TADA3: variants seen among roughly 807,000 people sequenced by gnomAD.
The protein encoded by TADA3 is transcriptional adapter 3.
In TADA3, 25 loss-of-function variants were observed where a neutral mutation model predicts 43.2. The ratio of observed to expected loss-of-function variants is 0.58; its 90% CI spans 0.42 to 0.81. The LOEUF is 0.81. TADA3 is among the 30% of genes least tolerant of loss of function. TADA3 has a pLI of 0.00. For synonymous variants in TADA3, 235 were observed against 225.5 expected (o/e 1.04, Z -0.38); for missense variants, 441 against 567.8 (o/e 0.78, Z 2.27).
At chr3:9,784,313 T>G in intron 7 of TADA3, 100 bp from the exon 8 acceptor site, 2 of 1,444,968 alleles carry the variant, frequency 1.4e-6, no homozygotes, top group Non-Finnish European at 9.2e-7. Flanking sequence ...AAACCTGCCT[T>G]TCCCTTTGGG....
At position 9,780,263 on chromosome 3, in the gene TADA3, A is replaced by G; in HGVS notation, c.*94T>C. The G allele has an allele frequency of 7.4e-7, 1 of 1,351,128 alleles. No homozygotes were observed. The highest frequency in any genetic ancestry group is 1.5e-5 in the African/African-American group (1 of 68,592). 83.7% of individuals were successfully genotyped at this position (1,351,128 alleles called of 1,614,324 possible). A position where few individuals can be genotyped will look rare whatever the true frequency, so the allele number is the denominator to read the frequency against. On this transcript the variant is annotated 3_prime_UTR_variant, in exon 9 of 9. Coordinates refer to ENST00000301964, the MANE Select transcript of TADA3 (RefSeq NM_006354.5). ...TAGAGACTGCCGCCATTTGAGGGAC[A>G]GCCACAGGCCAATGTTTCCTGTGCC...
Position 9,780,293 on chromosome 3 carries a change from G to A in TADA3, c.*64C>T. On this transcript the variant is annotated 3_prime_UTR_variant, in exon 9 of 9. Coordinates refer to ENST00000301964, the MANE Select transcript of TADA3 (RefSeq NM_006354.5). ...CAGGCCAATGTTTCCTGTGCCCAAA[G>A]AAGGAAGTGGGCCTCCCTTCCCCTC... 1.3e-6 allele frequency: 2 copies of A among 1,512,424 alleles called. No individual in the cohort carries two copies. The highest frequency in any genetic ancestry group is 1.8e-6 in the Non-Finnish European group (2 of 1,118,322). The allele number at this position is 1,512,424 out of a possible 1,614,324, so 93.7% of individuals were successfully genotyped here.
chr3:9,787,420 T>A (rs1428632372), intron 4 of TADA3, 80 bp from the exon 5 acceptor site: 5 of 1,516,006 alleles, frequency 3.3e-6, no homozygotes, highest in Non-Finnish European at 4.4e-6. Context: ...CTTACCTATC[T>A]TATATCTCTC....
chr3:9,789,454 G>A, intron 4 of TADA3, 55 bp downstream of exon 4: 1 of 1,507,452 alleles, frequency 6.6e-7, no homozygotes, highest in Non-Finnish European at 9.1e-7. Flanking sequence ...TACTTCTCAG[G>A]CACCTCTGAA....
At chr3:9,792,490 CTT>C (rs2078763361), upstream of TADA3, 2 of 1,210,870 alleles carry the variant, frequency 1.7e-6, no homozygotes, top group Non-Finnish European at 2.1e-6. Context: ...GGGCGGGCCC[CTT>C]GCAGTTGACG....
chr3:9,783,219 GAAA>G (rs1212329391), intron 8 of TADA3: 1 of 151,766 alleles, frequency 6.6e-6, no homozygotes, highest in Non-Finnish European at 1.5e-5. Flanking sequence ...GGGATAAAAA[GAAA>G]AGAAGCATGA....
intron 4 of TADA3, chr3:9,787,714 G>C: frequency 7.6e-7 from 1 of 1,309,616 alleles, no homozygotes; most frequent in Non-Finnish European, 1.0e-6. Context: ...CTGTCTGTAT[G>C]AACTCTTTTT....
Position 9,791,252 on chromosome 3 carries a change from G to T in TADA3, c.207+8C>A. ...TCTCTGGTGCTGGCCCCTCTCTGGG[G>T]TTATCACCTGGGTTTCGGCCTCAAG... On this transcript the variant is annotated splice_region_variant and intron_variant, in intron 2 of 8. Transcript: ENST00000301964. The T allele has an allele frequency of 1.2e-6, 2 of 1,609,690 alleles. No individual in the cohort carries two copies. Among genetic ancestry groups the T allele is most frequent in the Non-Finnish European group, 1.7e-6 (2 of 1,178,508 alleles).
In TADA3 at chr3:9,787,312, T is replaced by C. The variant is rs1368527747; in HGVS notation, c.593A>G (p.Gln198Arg). The change falls in exon 5 of 9, where the codon CAG (glutamine) becomes CGG (arginine). Residue 198 changes from glutamine (Q) to arginine (R), a missense_variant. Coordinates refer to ENST00000301964, the MANE Select transcript of TADA3 (RefSeq NM_006354.5). Reference protein sequence around the residue: ...KIPPLGKHYSQRWAQEDLLEE... With the variant: ...KIPPLGKHYSRRWAQEDLLEE... ...CAGCAGGTCCTCCTGGGCCCAGCGC[T>C]GGGAGTAGTGCTTCCCCAGGGGTGG... is the stretch of plus-strand genomic sequence containing the variant. The C allele has an allele frequency of 6.2e-7, 1 of 1,613,610 alleles. No individual in the cohort carries two copies. The highest frequency in any genetic ancestry group is 1.1e-5 in the South Asian group (1 of 91,040).
At chr3:9,780,672 C>A in intron 8 of TADA3, 123 bp from the exon 9 acceptor site, 1 of 1,019,860 alleles carries the variant, frequency 9.8e-7, no homozygotes, top group Non-Finnish European at 1.4e-6. Context: ...GTCATACAGT[C>A]GTGACCAAAA....
At chr3:9,787,450 C>T in intron 4 of TADA3, 110 bp from the exon 5 acceptor site, 1 of 1,433,220 alleles carries the variant, frequency 7.0e-7, no homozygotes, top group Non-Finnish European at 9.3e-7. Flanking sequence ...TAGTCCAAGG[C>T]CAAGCCCAGT....
chr3:9,789,429 TG>T (rs2078687713), intron 4 of TADA3, 79 bp downstream of exon 4: 2 of 1,333,472 alleles, frequency 1.5e-6, no homozygotes, highest in Non-Finnish European at 2.1e-6. Flanking sequence ...AGATGATGCA[TG>T]GCTTTGGTAG....
In TADA3 at chr3:9,791,253, T is replaced by A. The variant is rs374019123; in HGVS notation, c.207+7A>T. ...CTCTGGTGCTGGCCCCTCTCTGGGG[T>A]TATCACCTGGGTTTCGGCCTCAAGC... On this transcript the variant is annotated splice_region_variant and intron_variant, in intron 2 of 8. Transcript: ENST00000301964. The A allele has an allele frequency of 4.3e-6, 7 of 1,609,498 alleles. No homozygotes were observed. The Admixed American group carries it at 6.7e-5, about 15-fold the overall frequency.
chr3:9,785,898 T>C (rs1364979232), intron 6 of TADA3, among the ~76,000 whole-genome samples: 1 of 151,682 alleles, frequency 6.6e-6, no homozygotes, highest in Non-Finnish European at 1.5e-5. Flanking sequence ...TAGCTAGGCA[T>C]GGGCCAAAAA....
rs768111746 is a variant in TADA3, at chr3:9,791,277, G to C, written c.190C>G (p.Leu64Val). Residue 64 changes from leucine (L) to valine (V), a missense_variant, in exon 2 of 9, where the codon CTT (leucine) becomes GTT (valine). Leu to Val is a conservative substitution (Grantham distance 32). Coordinates refer to ENST00000301964, the MANE Select transcript of TADA3 (RefSeq NM_006354.5). ...GTTATCACCTGGGTTTCGGCCTCAA[G>C]CACACGCAGGCGCCGGCTGGCAGAA... ...LSSASRRLRV[L>V]EAETQILTDW... The C allele has an allele frequency of 3.1e-6, 5 of 1,612,822 alleles. No individual in the cohort carries two copies. In the Admixed American group the frequency reaches 6.7e-5, roughly 22 times the overall value.
At chr3:9,785,292 G>A in intron 7 of TADA3, 24 bp downstream of exon 7, 4 of 1,572,204 alleles carry the variant, frequency 2.5e-6, no homozygotes, top group Non-Finnish European at 3.5e-6. Context: ...CCAGACTGTG[G>A]GTTGTGGATA....
rs1339858565 is a variant in TADA3, at chr3:9,791,494, C to T, written c.-27-1G>A. 9 of 1,563,700 alleles carry T rather than the reference C, an allele frequency of 5.8e-6. No individual in the cohort carries two copies. Among genetic ancestry groups the T allele is most frequent in the Non-Finnish European group, 7.9e-6 (9 of 1,144,056 alleles). ...CCCAGGATATGGGGATCCTGTGGAG[C>T]TGGAGAGGACAGGGCCATTGATGGG... On this transcript the variant is annotated splice_acceptor_variant, in intron 1 of 8. Coordinates refer to ENST00000301964, the MANE Select transcript of TADA3 (RefSeq NM_006354.5). LOFTEE classifies it low-confidence loss of function (5UTR_SPLICE).
Position 9,789,823 on chromosome 3 carries a change from A to C in TADA3, c.348T>G (p.Pro116=), listed in dbSNP as rs781635375. ...LEGKAGHGPG[P]GPGRPKSKNL... is the part of the protein sequence containing the mutation. ...TTTTGGATTTGGGCCGTCCTGGGCC[A>C]GGGCCCGGCCCATGTCCTGCCTTCC... is the stretch of plus-strand genomic sequence containing the variant. The change falls in exon 3 of 9, where the codon CCT becomes CCG. Residue 116 remains proline (P), a synonymous_variant. Coordinates refer to ENST00000301964, the MANE Select transcript of TADA3 (RefSeq NM_006354.5). 2.7e-5 allele frequency: 44 copies of C among 1,614,268 alleles called. No individual in the cohort carries two copies. In the Middle Eastern group the frequency reaches 6.6e-4, roughly 24 times the overall value.
intron 2 of TADA3, among the ~76,000 whole-genome samples, chr3:9,790,194 A>G (rs1359158716): frequency 6.6e-6 from 1 of 152,148 alleles, no homozygotes; most frequent in African/African-American, 2.4e-5. Context: ...TTGTTCATCT[A>G]TACTGATTCA....
Sources: allele counts gnomAD v4.1 joint callset (sites outside exome capture counted in the v4.1 genomes callset), GRCh38; gene constraint gnomAD v4.1.1; transcripts MANE v1.5; gene names NCBI Gene and HGNC (gene_info 2026-07-23, HGNC 2026-07-21).